Variants in KIF6 observed in about 807,000 individuals in gnomAD.
The protein encoded by KIF6 is kinesin family member 6.
In KIF6, 106 loss-of-function variants were observed where a neutral mutation model predicts 112.7. The observed-to-expected ratio is 0.94, with a 90% CI of 0.80 to 1.11. The LOEUF is 1.11. Ranked by LOEUF, KIF6 falls within the 50% of genes least tolerant of loss-of-function variation. The pLI is 0.00. For synonymous variants in KIF6, 339 were observed against 339.9 expected (o/e 1.00, Z 0.03); for missense variants, 929 against 964.0 (o/e 0.96, Z 0.48).
At chr6:39,526,784 A>G (rs1156556404) in intron 13 of KIF6, among the ~76,000 whole-genome samples, 2 of 134,712 alleles carry the variant, frequency 1.5e-5, no homozygotes, top group African/African-American at 6.9e-5. Context: ...GCTATAGAGA[A>G]GTCAATGGTC....
At chr6:39,545,159 A>T (rs1036992975) in intron 11 of KIF6, among the ~76,000 whole-genome samples, 3 of 152,264 alleles carry the variant, frequency 2.0e-5, no homozygotes, top group Non-Finnish European at 4.4e-5. Flanking sequence ...GTATGCAAAA[A>T]TACAAGTGAG....
chr6:39,613,879 T>A (rs1351272423), intron 5 of KIF6, among the ~76,000 whole-genome samples: 3 of 152,242 alleles, frequency 2.0e-5, no homozygotes, highest in Non-Finnish European at 2.9e-5. Context: ...ATAATAAAGA[T>A]TTAGCTTGCC....
chr6:39,371,512 G>A (rs1040343001), intron 16 of KIF6, among the ~76,000 whole-genome samples: 21 of 152,260 alleles, frequency 1.4e-4, no homozygotes, highest in Non-Finnish European at 2.2e-4. Flanking sequence ...GTCACAGCTC[G>A]TATCAGATGG....
chr6:39,575,096 T>C (rs1364881179), intron 10 of KIF6, among the ~76,000 whole-genome samples: 2 of 152,116 alleles, frequency 1.3e-5, no homozygotes, highest in African/African-American at 4.8e-5. Flanking sequence ...TAAGGCCCTA[T>C]GGGTTGTACA....
chr6:39,540,864 C>A (rs1778749880), intron 12 of KIF6, among the ~76,000 whole-genome samples: 3 of 152,186 alleles, frequency 2.0e-5, no homozygotes, highest in African/African-American at 7.2e-5. Flanking sequence ...TTAAAATGCA[C>A]CTTCTGTAGG....
Position 39,343,195 on chromosome 6 carries a change from C to T in KIF6, c.2428+514G>A. On this transcript the variant is annotated intron_variant, in intron 22 of 22. Transcript: ENST00000287152. The surrounding 1 kb of genome is among the most constrained non-coding windows in gnomAD (Gnocchi z 4.1). ...AGACCAAGAAGAGCCTTCTTCTCTT[C>T]CTGTTGTCTGACACGCCACTCTTAC... The T allele has an allele frequency of 8.2e-7, 1 of 1,213,358 alleles. No homozygotes were observed. The highest frequency in any genetic ancestry group is 1.6e-5 in the African/African-American group (1 of 63,412). The allele number at this position is 1,213,358 out of a possible 1,614,324, so 75.2% of individuals were successfully genotyped here.
chr6:39,486,337 C>A (rs1347225723), intron 13 of KIF6, among the ~76,000 whole-genome samples: 2 of 152,176 alleles, frequency 1.3e-5, no homozygotes, highest in Non-Finnish European at 2.9e-5. Context: ...CAGAGGGAAC[C>A]TGCAGGGCCC....
At chr6:39,412,017 G>C (rs1301803877) in intron 15 of KIF6, among the ~76,000 whole-genome samples, 1 of 152,130 alleles carries the variant, frequency 6.6e-6, no homozygotes, top group Non-Finnish European at 1.5e-5. Context: ...GTGGACCTTG[G>C]TTCACTCACT....
In KIF6 at chr6:39,372,263, C is replaced by T. The variant is rs557104625; in HGVS notation, c.1862-9745G>A. 2.5e-4 allele frequency among the ~76,000 whole-genome samples: 38 copies of T among 152,202 alleles called. 1 individual carries two copies. The highest frequency in any genetic ancestry group is 8.4e-4 in the African/African-American group (35 of 41,530). Reference sequence around the variant, plus strand: ...TCCCTCCTATGAAGATGGGAAGAGACGGTGGGAGAACAACAAAAAAGTAAC... The same window carrying T: ...TCCCTCCTATGAAGATGGGAAGAGATGGTGGGAGAACAACAAAAAAGTAAC... On this transcript the variant is annotated intron_variant, in intron 16 of 22. Transcript: ENST00000287152.
At chr6:39,641,456 A>G (rs1158244970) in intron 3 of KIF6, among the ~76,000 whole-genome samples, 2 of 151,942 alleles carry the variant, frequency 1.3e-5, no homozygotes, top group Non-Finnish European at 2.9e-5. Context: ...GAACACATGG[A>G]CACAGGAAGG....
intron 4 of KIF6, among the ~76,000 whole-genome samples, chr6:39,637,281 T>C (rs1035312172): frequency 7.2e-5 from 11 of 151,984 alleles, no homozygotes; most frequent in African/African-American, 2.7e-4. Context: ...AGCTTCTGCA[T>C]TTTCTGGACT....
chr6:39,629,998 T>C (rs1362234544), intron 5 of KIF6, among the ~76,000 whole-genome samples: 1 of 152,070 alleles, frequency 6.6e-6, no homozygotes, highest in Non-Finnish European at 1.5e-5. Flanking sequence ...TTGACTATAT[T>C]TTTAAGGGTC....
intron 4 of KIF6, among the ~76,000 whole-genome samples, chr6:39,635,678 C>A (rs1277395323): frequency 2.0e-5 from 3 of 151,958 alleles, no homozygotes; most frequent in Non-Finnish European, 4.4e-5. Context: ...TGTAATGAGG[C>A]TAAAAGTAAA....
chr6:39,401,695 G>C (rs961799984), intron 15 of KIF6, among the ~76,000 whole-genome samples: 1 of 152,040 alleles, frequency 6.6e-6, no homozygotes. Context: ...AATGCTCTCG[G>C]GGGAGTGGGT....
chr6:39,540,104 TTTCC>T lies in KIF6; in HGVS notation c.1540_1543del (p.Gly514ThrfsTer34), dbSNP rs1778703670. On this transcript the variant is annotated frameshift_variant, in exon 13 of 23. Coordinates refer to ENST00000287152, the MANE Select transcript of KIF6 (RefSeq NM_145027.6). LOFTEE classifies it high-confidence loss of function. ...TCGCATTCTTTGACCTTCTTCTGGG[TTTCC>T]TAGGCGGAAGGGTGGGCTCTGGGAC... 1.2e-6 allele frequency: 2 copies of T among 1,614,056 alleles called. No individual in the cohort carries two copies. Among genetic ancestry groups the T allele is most frequent in the Non-Finnish European group, 1.7e-6 (2 of 1,180,026 alleles).
chr6:39,443,149 AT>A lies in KIF6; in HGVS notation c.1646-11989del, dbSNP rs1562221447. On this transcript the variant is annotated intron_variant, in intron 13 of 22. Transcript: ENST00000287152. ...AATAATAATAATAATAATAATAATA[AT>A]AATAATAATAAATAAAAATAAAAAA... 4.0e-4 allele frequency among the ~76,000 whole-genome samples: 55 copies of A among 137,710 alleles called. No individual in the cohort carries two copies. The South Asian group carries it at 8.7e-3, about 22-fold the overall frequency. The allele number at this position is 137,710 out of a possible 152,430, so 90.3% of individuals were successfully genotyped here.
intron 3 of KIF6, among the ~76,000 whole-genome samples, chr6:39,671,483 G>T (rs1213487125): frequency 6.6e-6 from 1 of 152,172 alleles, no homozygotes; most frequent in Non-Finnish European, 1.5e-5. Context: ...AGGCATTGGT[G>T]CCTGAAGCTG....
intron 13 of KIF6, among the ~76,000 whole-genome samples, chr6:39,439,967 A>G (rs1446253863): frequency 6.6e-6 from 1 of 152,244 alleles, no homozygotes; most frequent in Non-Finnish European, 1.5e-5. Flanking sequence ...TGACAAAAGT[A>G]CAATGATGGA....
intron 3 of KIF6, among the ~76,000 whole-genome samples, chr6:39,711,287 A>AG (rs1296567965): frequency 2.0e-5 from 3 of 150,146 alleles, no homozygotes; most frequent in Non-Finnish European, 4.5e-5. Context: ...TAAAAAAAAA[A>AG]AAAAAAAAAA....
Sources: allele counts gnomAD v4.1 joint callset (sites outside exome capture counted in the v4.1 genomes callset), GRCh38; gene constraint gnomAD v4.1.1; non-coding constraint Gnocchi (gnomAD v3.1); transcripts MANE v1.5; gene names NCBI Gene and HGNC (gene_info 2026-07-23, HGNC 2026-07-21).